The following PRUNE2 variants were observed in gnomAD, a reference collection of about 807,000 sequenced individuals.
The protein encoded by PRUNE2 is prune homolog 2 with BCH domain.
A neutral mutation model predicts 252.0 loss-of-function variants in PRUNE2; 164 were observed. The observed-to-expected ratio is 0.65, with a 90% CI of 0.57 to 0.74. PRUNE2 has a LOEUF of 0.74. PRUNE2 is among the 30% of genes least tolerant of loss of function. The pLI, the probability that PRUNE2 is intolerant of heterozygous loss-of-function variation, is 0.00. For missense variants in PRUNE2, 3,495 were observed against 3,711.0 expected, an observed-to-expected ratio of 0.94 and a Z score of 1.51; for synonymous variants, 1,292 against 1,350.2, an observed-to-expected ratio of 0.96 and a Z score of 0.94.
intron 1 of PRUNE2, among the ~76,000 whole-genome samples, chr9:76,887,373 C>T (rs960767782): frequency 6.6e-6 from 1 of 152,068 alleles, no homozygotes; most frequent in African/African-American, 2.4e-5. Flanking sequence ...TTGATATGGC[C>T]ATCAACAGAA....
intron 6 of PRUNE2, among the ~76,000 whole-genome samples, chr9:76,716,064 A>G (rs1414220190): frequency 6.7e-6 from 1 of 148,738 alleles, no homozygotes; most frequent in Non-Finnish European, 1.5e-5. Flanking sequence ...TTTACATATA[A>G]CAAAATTCTC....
chr9:76,627,627 C>T (rs563146364), intron 16 of PRUNE2, among the ~76,000 whole-genome samples: 8 of 151,990 alleles, frequency 5.3e-5, no homozygotes, highest in Non-Finnish European at 1.0e-4. Flanking sequence ...TGTTCACGCC[C>T]GATATTGCTT....
intron 14 of PRUNE2, 28 bp downstream of exon 14, chr9:76,637,390 T>G (rs780020296): frequency 1.2e-5 from 20 of 1,610,884 alleles, no homozygotes; most frequent in Non-Finnish European, 1.6e-5. Context: ...AAAATCAAAA[T>G]AGTGATTAAA....
chr9:76,843,792 G>C (rs905933795), intron 4 of PRUNE2, among the ~76,000 whole-genome samples: 1 of 145,212 alleles, frequency 6.9e-6, no homozygotes, highest in Non-Finnish European at 1.5e-5. Flanking sequence ...GCAATGGTGA[G>C]ATCTCGGCTC....
At chr9:76,744,924 C>G (rs1353228406) in intron 6 of PRUNE2, among the ~76,000 whole-genome samples, 1 of 152,154 alleles carries the variant, frequency 6.6e-6, no homozygotes, top group Non-Finnish European at 1.5e-5. Flanking sequence ...AAAGCTGGGA[C>G]AGCTTCTCCT....
intron 3 of PRUNE2, among the ~76,000 whole-genome samples, chr9:76,847,727 G>A (rs976427660): frequency 6.6e-6 from 1 of 152,150 alleles, no homozygotes; most frequent in Non-Finnish European, 1.5e-5. Flanking sequence ...CTTTCTGCCT[G>A]TCAAAAAATA....
chr9:76,904,789 G>A (rs7869993), intron 1 of PRUNE2, among the ~76,000 whole-genome samples: 1 of 152,030 alleles, frequency 6.6e-6, no homozygotes. Flanking sequence ...TTACAAGATA[G>A]TTACAGTTAG....
chr9:76,866,980 G>A (rs2060882045), intron 1 of PRUNE2, among the ~76,000 whole-genome samples: 2 of 152,166 alleles, frequency 1.3e-5, no homozygotes, highest in African/African-American at 2.4e-5. Context: ...ATCTGTGGAG[G>A]TGAATCAGCA....
intron 6 of PRUNE2, among the ~76,000 whole-genome samples, chr9:76,743,397 T>C (rs1564196212): frequency 6.6e-6 from 1 of 152,220 alleles, no homozygotes; most frequent in African/African-American, 2.4e-5. Context: ...TATGTAGAGA[T>C]ATACACGTGA....
Position 76,839,564 on chromosome 9 carries a change from G to A in PRUNE2, c.508+6951C>T, listed in dbSNP as rs970176544. Among the ~76,000 whole-genome samples, 35 of 152,250 alleles carry A rather than the reference G, an allele frequency of 2.3e-4. 1 individual carries two copies. Among genetic ancestry groups the A allele is most frequent in the Admixed American group, 2.2e-3 (33 of 15,278 alleles). On this transcript the variant is annotated intron_variant, in intron 4 of 18. Transcript: ENST00000376718. ...ACCAAGGGATGTGAGAATAGGCAGA[G>A]GAGAGATGACGTGGTGGTCTCTAGG...
intron 9 of PRUNE2, among the ~76,000 whole-genome samples, chr9:76,696,909 G>T (rs750998337): frequency 2.0e-5 from 3 of 152,344 alleles, no homozygotes; most frequent in Non-Finnish European, 4.4e-5. Flanking sequence ...GGTCTAGGAA[G>T]AATAACAGCC....
chr9:76,838,419 T>C (rs1589501637), intron 4 of PRUNE2, among the ~76,000 whole-genome samples: 1 of 151,222 alleles, frequency 6.6e-6, no homozygotes, highest in African/African-American at 2.4e-5. Flanking sequence ...CCGAGGCAGG[T>C]GGATCACTTG....
At chr9:76,837,259 T>C (rs926764511) in intron 4 of PRUNE2, among the ~76,000 whole-genome samples, 78 of 151,918 alleles carry the variant, frequency 5.1e-4, no homozygotes, top group African/African-American at 1.6e-3. Context: ...CTGGCCAACA[T>C]GGTGAAACCC....
chr9:76,856,461 A>G (rs2060254685), intron 1 of PRUNE2: 1 of 152,230 alleles, frequency 6.6e-6, no homozygotes, highest in Non-Finnish European at 1.5e-5. Context: ...GGAGTGTAGC[A>G]AGATTTGTGT....
intron 6 of PRUNE2, among the ~76,000 whole-genome samples, chr9:76,732,027 A>G (rs1277068245): frequency 6.6e-6 from 1 of 151,836 alleles, no homozygotes; most frequent in Non-Finnish European, 1.5e-5. Context: ...ATAGAAAATT[A>G]CACTTGGCCG....
At chr9:76,792,446 C>T (rs2055647706) in intron 6 of PRUNE2, among the ~76,000 whole-genome samples, 1 of 152,098 alleles carries the variant, frequency 6.6e-6, no homozygotes, top group South Asian at 2.1e-4. Flanking sequence ...GGTACTGAGG[C>T]AGGTCAGGAC....
chr9:76,705,413 G>A lies in PRUNE2; in HGVS notation c.6861C>T (p.Ala2287=), dbSNP rs766753187. The A allele has an allele frequency of 1.9e-6, 3 of 1,613,952 alleles. No homozygotes were observed. The Admixed American group carries it at 5.0e-5, about 27-fold the overall frequency. The part of the protein sequence containing the change: ...NPALVPDALL[A]SDTCLDISEA... ...CGCTTATATCCAGACAAGTGTCTGA[G>A]GCTAGCAAAGCATCAGGAACCAAGG... The change falls in exon 8 of 19, where the codon GCC becomes GCT. Residue 2287 remains alanine (A), a synonymous_variant. Transcript: ENST00000376718.
intron 11 of PRUNE2, chr9:76,652,108 T>C (rs999404391): frequency 1.2e-5 from 2 of 165,146 alleles, no homozygotes; most frequent in African/African-American, 4.8e-5. Context: ...AGTGGGAACT[T>C]ATACAAGAAA....
At chr9:76,835,709 T>G (rs2058922763) in intron 4 of PRUNE2, among the ~76,000 whole-genome samples, 1 of 152,130 alleles carries the variant, frequency 6.6e-6, no homozygotes. Flanking sequence ...TGTAACCATT[T>G]CAGGAGAGAG....
Sources: gnomAD v4.1 joint callset for allele counts (sites outside exome capture counted in the v4.1 genomes callset) on GRCh38, gnomAD v4.1.1 for gene constraint, MANE v1.5 for transcripts, NCBI Gene and HGNC (gene_info 2026-07-23, HGNC 2026-07-21) for gene names.